Variants in TNIK observed in about 807,000 individuals in gnomAD.
The protein encoded by TNIK is TRAF2 and NCK interacting kinase.
TNIK carries 49 observed loss-of-function variants against 191.3 expected under a neutral mutation model. The observed-to-expected ratio is 0.26, with a 90% CI of 0.20 to 0.32. The LOEUF (loss-of-function observed/expected upper bound fraction) is 0.32. Among genes scored for constraint, TNIK ranks in the 10% least tolerant of loss-of-function variants. TNIK has a pLI of 1.00. For missense variants in TNIK, 1,155 were observed against 1,702.3 expected, an observed-to-expected ratio of 0.68 and a Z score of 5.66; for synonymous variants, 594 against 600.9, an observed-to-expected ratio of 0.99 and a Z score of 0.17.
intron 7 of TNIK, among the ~76,000 whole-genome samples, chr3:171,178,279 T>C (rs6803286): frequency 0.088 from 13,378 of 152,238 alleles, 939 homozygotes; most frequent in African/African-American, 0.19. Flanking sequence ...TTCATATGGT[T>C]TTACCTAATA....
intron 2 of TNIK, among the ~76,000 whole-genome samples, chr3:171,309,685 G>A (rs770202376): frequency 6.6e-5 from 10 of 152,108 alleles, no homozygotes; most frequent in Non-Finnish European, 1.0e-4. Context: ...AATGTAAAGG[G>A]TTTCTGAGAC....
chr3:171,343,462 G>A (rs1711630411), intron 2 of TNIK, among the ~76,000 whole-genome samples: 3 of 152,330 alleles, frequency 2.0e-5, no homozygotes, highest in Admixed American at 6.5e-5. Context: ...TGGGGAAAGA[G>A]AAGCCTGAAG....
intron 6 of TNIK, among the ~76,000 whole-genome samples, 186 bp from the exon 7 acceptor site, chr3:171,189,018 C>T (rs1737702172): frequency 6.6e-6 from 1 of 152,196 alleles, no homozygotes; most frequent in African/African-American, 2.4e-5. Flanking sequence ...TCACCACTGT[C>T]CATCTCCAGA....
intron 2 of TNIK, among the ~76,000 whole-genome samples, chr3:171,293,290 T>C (rs7615681): frequency 0.54 from 81,703 of 151,980 alleles, 23,001 homozygotes; most frequent in African/African-American, 0.67. Context: ...CTCATTTTAC[T>C]CCACGCCTAC....
intron 3 of TNIK, among the ~76,000 whole-genome samples, chr3:171,213,111 G>A (rs114861129): frequency 0.013 from 1,976 of 152,124 alleles, 46 homozygotes; most frequent in African/African-American, 0.045. Context: ...AACTCCCCAC[G>A]CCTTCACTGC....
At chr3:171,248,235 A>G (rs559447659) in intron 2 of TNIK, among the ~76,000 whole-genome samples, 1 of 152,332 alleles carries the variant, frequency 6.6e-6, no homozygotes, top group East Asian at 1.9e-4. Context: ...GTGGAGAACA[A>G]TGAAGGCAGG....
chr3:171,130,089 T>C (rs1006524588), intron 15 of TNIK, among the ~76,000 whole-genome samples: 5 of 152,222 alleles, frequency 3.3e-5, no homozygotes, highest in African/African-American at 1.2e-4. Flanking sequence ...TCAATATTCA[T>C]GTCTGTTTGC....
intron 2 of TNIK, among the ~76,000 whole-genome samples, chr3:171,322,065 T>G (rs1312236385): frequency 6.6e-6 from 1 of 152,170 alleles, no homozygotes; most frequent in Non-Finnish European, 1.5e-5. Context: ...TTATTGTACA[T>G]TTGCATTATT....
At chr3:171,073,824 G>A (rs1719534806) in intron 28 of TNIK, among the ~76,000 whole-genome samples, 1 of 147,190 alleles carries the variant, frequency 6.8e-6, no homozygotes, top group Non-Finnish European at 1.5e-5. Flanking sequence ...ACACCAGTCA[G>A]AATGGCTAAT....
chr3:171,333,848 A>G (rs1254579575), intron 2 of TNIK, among the ~76,000 whole-genome samples: 6 of 152,150 alleles, frequency 3.9e-5, no homozygotes, highest in Non-Finnish European at 8.8e-5. Context: ...CAGCACAGGG[A>G]GCGCCTCCCG....
intron 9 of TNIK, among the ~76,000 whole-genome samples, chr3:171,169,321 G>A (rs528084610): frequency 2.6e-5 from 4 of 151,856 alleles, no homozygotes; most frequent in African/African-American, 9.7e-5. Context: ...AGGCTGGAGT[G>A]CAATGGCATG....
intron 23 of TNIK, 111 bp downstream of exon 23, chr3:171,093,728 A>G: frequency 1.4e-6 from 2 of 1,410,580 alleles, no homozygotes; most frequent in South Asian, 2.9e-5. Flanking sequence ...TCCCTCCCCC[A>G]AGAATTCCCC....
intron 2 of TNIK, among the ~76,000 whole-genome samples, chr3:171,325,320 G>GT (rs1314488876): frequency 6.6e-6 from 1 of 152,092 alleles, no homozygotes; most frequent in Non-Finnish European, 1.5e-5. Context: ...TTGCTGACTA[G>GT]TGGCTACGTC....
chr3:171,342,653 A>G (rs901511797), intron 2 of TNIK, among the ~76,000 whole-genome samples: 1 of 152,234 alleles, frequency 6.6e-6, no homozygotes, highest in African/African-American at 2.4e-5. Flanking sequence ...TACAAAATAA[A>G]ATACACATGA....
At chr3:171,255,158 T>C (rs1389520070) in intron 2 of TNIK, among the ~76,000 whole-genome samples, 1 of 152,222 alleles carries the variant, frequency 6.6e-6, no homozygotes, top group Non-Finnish European at 1.5e-5. Flanking sequence ...TATCTGATGC[T>C]GATTCAATTT....
At chr3:171,333,255 A>C (rs938811615) in intron 2 of TNIK, among the ~76,000 whole-genome samples, 4 of 151,778 alleles carry the variant, frequency 2.6e-5, no homozygotes, top group South Asian at 4.1e-4. Context: ...AAAGAAGAAG[A>C]ATCTAAGATC....
At chr3:171,238,085 C>T (rs1317367299) in intron 2 of TNIK, among the ~76,000 whole-genome samples, 1 of 152,164 alleles carries the variant, frequency 6.6e-6, no homozygotes, top group Non-Finnish European at 1.5e-5. Context: ...TGTGTCAGCA[C>T]AGACTGCATT....
Position 171,282,050 on chromosome 3 carries a change from T to TA in TNIK, c.124-53830dup, listed in dbSNP as rs537495108. 6.8e-4 allele frequency among the ~76,000 whole-genome samples: 103 copies of TA among 152,324 alleles called. 1 individual carries two copies. In the South Asian group the frequency reaches 0.021, roughly 31 times the overall value. On this transcript the variant is annotated intron_variant, in intron 2 of 32. Coordinates refer to ENST00000436636, the MANE Select transcript of TNIK (RefSeq NM_015028.4). Reference sequence around the variant, plus strand: ...GTGAACTGGCATCCTCTCCCCCACTTACAGCAGACTTGAGGTTAATCTAGA... The same window carrying TA: ...GTGAACTGGCATCCTCTCCCCCACTTAACAGCAGACTTGAGGTTAATCTAGA...
At chr3:171,249,705 A>G (rs773727240) in intron 2 of TNIK, among the ~76,000 whole-genome samples, 4 of 152,210 alleles carry the variant, frequency 2.6e-5, no homozygotes, top group Non-Finnish European at 5.9e-5. Flanking sequence ...TGTACGATAT[A>G]TATTAAGTGA....
Sources: gnomAD v4.1 joint callset for allele counts (sites outside exome capture counted in the v4.1 genomes callset) on GRCh38, gnomAD v4.1.1 for gene constraint, MANE v1.5 for transcripts, NCBI Gene and HGNC (gene_info 2026-07-23, HGNC 2026-07-21) for gene names.